Variants in SPAG16 observed in about 807,000 individuals in gnomAD.
SPAG16 encodes the protein sperm associated antigen 16, also known as sperm-associated antigen 16 protein.
SPAG16 carries 86 observed loss-of-function variants against 80.4 expected under a neutral mutation model. The ratio of observed to expected loss-of-function variants is 1.07; its 90% CI spans 0.90 to 1.28. The LOEUF (loss-of-function observed/expected upper bound fraction) is 1.28. Among genes scored for constraint, SPAG16 ranks in the 50% most tolerant of loss-of-function variants. SPAG16 has a pLI of 0.00. For synonymous variants in SPAG16, 294 were observed against 265.9 expected, an observed-to-expected ratio of 1.11 and a Z score of -1.03; for missense variants, 870 against 765.3, an observed-to-expected ratio of 1.14 and a Z score of -1.61.
intron 5 of SPAG16, among the ~76,000 whole-genome samples, chr2:213,330,575 A>G (rs1472748473): frequency 1.3e-5 from 2 of 152,148 alleles, no homozygotes; most frequent in African/African-American, 2.4e-5. Context: ...CTTGCTTTTG[A>G]TTTTACAGGC....
intron 14 of SPAG16, among the ~76,000 whole-genome samples, chr2:214,121,237 C>T (rs543492384): frequency 2.3e-4 from 35 of 151,830 alleles, no homozygotes; most frequent in African/African-American, 7.5e-4. Context: ...ATGCTGAATT[C>T]GGAACAAATA....
intron 12 of SPAG16, among the ~76,000 whole-genome samples, chr2:214,002,919 T>C (rs1190649243): frequency 1.3e-5 from 2 of 152,200 alleles, no homozygotes; most frequent in Non-Finnish European, 2.9e-5. Context: ...CATCTGGACA[T>C]ACTTATCCTG....
At chr2:213,466,154 G>C (rs1209691308) in intron 9 of SPAG16, among the ~76,000 whole-genome samples, 1 of 152,130 alleles carries the variant, frequency 6.6e-6, no homozygotes, top group Non-Finnish European at 1.5e-5. Context: ...ACTCAGACTG[G>C]CTTCCTTTCT....
chr2:213,885,813 T>C (rs1257222402), intron 11 of SPAG16, among the ~76,000 whole-genome samples: 1 of 152,180 alleles, frequency 6.6e-6, no homozygotes, highest in Non-Finnish European at 1.5e-5. Context: ...TACACATACC[T>C]GTCATGTGAT....
At chr2:213,796,492 T>C (rs988058235) in intron 10 of SPAG16, among the ~76,000 whole-genome samples, 1 of 152,214 alleles carries the variant, frequency 6.6e-6, no homozygotes, top group Non-Finnish European at 1.5e-5. Flanking sequence ...TATGACTGAA[T>C]AATATTCCAT....
chr2:213,601,430 C>T (rs372063768), intron 10 of SPAG16, among the ~76,000 whole-genome samples: 13 of 152,196 alleles, frequency 8.5e-5, no homozygotes, highest in East Asian at 5.8e-4. Flanking sequence ...TGTGTGTTTA[C>T]GTGTTCATCA....
chr2:214,063,682 G>A (rs2125192941), intron 13 of SPAG16, among the ~76,000 whole-genome samples: 1 of 152,248 alleles, frequency 6.6e-6, no homozygotes, highest in South Asian at 2.1e-4. Flanking sequence ...TGCATCAGTT[G>A]TTTCCTCTTC....
At chr2:213,339,695 A>T (rs1013098061) in intron 5 of SPAG16, among the ~76,000 whole-genome samples, 1 of 152,150 alleles carries the variant, frequency 6.6e-6, no homozygotes, top group South Asian at 2.1e-4. Context: ...TAGAATTTAT[A>T]TGCTTTCTTT....
intron 14 of SPAG16, among the ~76,000 whole-genome samples, chr2:214,123,294 A>T (rs919368183): frequency 2.0e-5 from 3 of 151,612 alleles, no homozygotes; most frequent in Non-Finnish European, 3.0e-5. Context: ...TCACTCCTAT[A>T]GTCAAATGGA....
intron 6 of SPAG16, among the ~76,000 whole-genome samples, chr2:213,348,746 A>G (rs1320302800): frequency 6.6e-6 from 1 of 152,212 alleles, no homozygotes; most frequent in Non-Finnish European, 1.5e-5. Flanking sequence ...CCAGGAGATC[A>G]GCTGTTAGTC....
At chr2:214,161,911 T>C (rs1015802110) in intron 15 of SPAG16, among the ~76,000 whole-genome samples, 6 of 152,184 alleles carry the variant, frequency 3.9e-5, no homozygotes, top group Non-Finnish European at 8.8e-5. Context: ...TTTGTCTTTG[T>C]ATTTTTTTGG....
At chr2:213,916,484 G>A (rs2077976293) in intron 11 of SPAG16, among the ~76,000 whole-genome samples, 2 of 152,052 alleles carry the variant, frequency 1.3e-5, no homozygotes, top group African/African-American at 4.8e-5. Flanking sequence ...TATCTGTTTT[G>A]ATAACAGTAC....
intron 15 of SPAG16, among the ~76,000 whole-genome samples, chr2:214,379,328 T>G (rs1700317037): frequency 6.6e-6 from 1 of 152,232 alleles, no homozygotes; most frequent in African/African-American, 2.4e-5. Flanking sequence ...AATTATTTTC[T>G]CTAATATTAC....
chr2:214,063,343 T>C (rs2050375642), intron 13 of SPAG16, among the ~76,000 whole-genome samples: 1 of 152,150 alleles, frequency 6.6e-6, no homozygotes, highest in African/African-American at 2.4e-5. Flanking sequence ...TTATAAACAA[T>C]GAAAATTTAT....
chr2:213,367,248 A>AC (rs903659669), intron 8 of SPAG16, among the ~76,000 whole-genome samples: 9 of 390 alleles, frequency 0.023, no homozygotes, highest in Admixed American at 0.11. Context: ...CAATAAACAT[A>AC]ATGTGTGCAT....
In SPAG16 at chr2:213,374,993, A is replaced by G. The variant is rs1329003902; in HGVS notation, c.833-17A>G. The G allele has an allele frequency of 6.5e-7, 1 of 1,541,290 alleles. No homozygotes were observed. Among genetic ancestry groups the G allele is most frequent in the Non-Finnish European group, 8.8e-7 (1 of 1,132,512 alleles). On this transcript the variant is annotated splice_polypyrimidine_tract_variant and intron_variant, in intron 8 of 15. Transcript: ENST00000331683. ...TAAACAGTGCAAATATTAAGAATAA[A>G]TTATATTATCTTGTAGTTGATCATA...
chr2:214,295,840 A>G (rs1196571144), intron 15 of SPAG16, among the ~76,000 whole-genome samples: 1 of 152,158 alleles, frequency 6.6e-6, no homozygotes, highest in East Asian at 1.9e-4. Context: ...GCTCTGTTAT[A>G]TATTACATAT....
In SPAG16 at chr2:213,473,376, C is replaced by A. The variant is rs150461114; in HGVS notation, c.943-16587C>A. On this transcript the variant is annotated intron_variant, in intron 9 of 15. Coordinates refer to ENST00000331683, the MANE Select transcript of SPAG16 (RefSeq NM_024532.5). ...AGAACTGCGGTTCCTACTATTAGAT[C>A]TGACATACAGAGAAGAGCAATTACA... is the stretch of plus-strand genomic sequence containing the variant. Among the ~76,000 whole-genome samples, 1,295 of 152,270 alleles carry A rather than the reference C, an allele frequency of 8.5e-3. 17 individuals are homozygous for A. Among genetic ancestry groups the A allele is most frequent in the African/African-American group, 0.029 (1,206 of 41,558 alleles).
At chr2:213,755,100 G>A (rs2068261512) in intron 10 of SPAG16, among the ~76,000 whole-genome samples, 1 of 152,156 alleles carries the variant, frequency 6.6e-6, no homozygotes, top group African/African-American at 2.4e-5. Context: ...CAATTTCGAT[G>A]TTTTTGATGT....
Sources: gnomAD v4.1 joint callset for allele counts (sites outside exome capture counted in the v4.1 genomes callset) on GRCh38, gnomAD v4.1.1 for gene constraint, MANE v1.5 for transcripts, NCBI Gene and HGNC (gene_info 2026-07-23, HGNC 2026-07-21) for gene names.